KIF1C: variants seen among roughly 807,000 people sequenced by gnomAD.
KIF1C encodes the protein kinesin-like protein KIF1C.
Under a neutral mutation model 126.5 loss-of-function variants are expected in KIF1C, and 61 were observed. The observed-to-expected ratio is 0.48, with a 90% CI of 0.39 to 0.60. The LOEUF (loss-of-function observed/expected upper bound fraction) is 0.60, where lower values mean the gene tolerates loss of function less well. KIF1C is among the 20% of genes least tolerant of loss of function. The probability of loss-of-function intolerance (pLI) is 0.00; values close to 1 mark genes in which losing one functional copy is unlikely to be tolerated. For missense variants in KIF1C, 1,315 were observed against 1,489.2 expected, an observed-to-expected ratio of 0.88 and a Z score of 1.93; for synonymous variants, 640 against 580.6, an observed-to-expected ratio of 1.10 and a Z score of -1.47.
At chr17:5,010,897 G>A (rs1319778299) in intron 16 of KIF1C, among the ~76,000 whole-genome samples, 1 of 150,258 alleles carries the variant, frequency 6.7e-6, no homozygotes, top group Non-Finnish European at 1.5e-5. Flanking sequence ...TGCAAGCTCC[G>A]CCTCCCGGGT....
chr17:5,012,771 A>G (rs1974893521), intron 16 of KIF1C, among the ~76,000 whole-genome samples: 1 of 152,170 alleles, frequency 6.6e-6, no homozygotes, highest in Non-Finnish European at 1.5e-5. Flanking sequence ...GCGTGGCAGC[A>G]GTGGCATGAA....
Position 5,003,731 on chromosome 17 carries a change from G to C in KIF1C, c.798+42G>C, listed in dbSNP as rs751773527. On this transcript the variant is annotated intron_variant, in intron 9 of 22. Transcript: ENST00000320785. ...GGGTGGTTTGTTGTGGGGCAGTGTT[G>C]TGGGCTGTATGTGGAGGTCTCCAGT... 17 of 1,587,090 alleles carry C rather than the reference G, an allele frequency of 1.1e-5. No individual in the cohort carries two copies. The Middle Eastern group carries it at 8.3e-4, about 78-fold the overall frequency.
chr17:5,005,099 A>G, intron 13 of KIF1C, 99 bp downstream of exon 13: 2 of 1,433,428 alleles, frequency 1.4e-6, no homozygotes, highest in Admixed American at 1.9e-5. Flanking sequence ...GAGGGACCAC[A>G]CACTATGAAA....
chr17:5,006,896 T>C lies in KIF1C; in HGVS notation c.1166-19T>C, dbSNP rs542279177. On this transcript the variant is annotated intron_variant, in intron 13 of 22. Transcript: ENST00000320785. ...CTTCTTTCCTTAGCCTCATTCTTTT[T>C]CCTCTTTCTCCCTCCCAGGCCTGAA... 7 of 1,611,736 alleles carry C rather than the reference T, an allele frequency of 4.3e-6. No individual in the cohort carries two copies. The Admixed American group carries it at 1.0e-4, about 23-fold the overall frequency.
intron 16 of KIF1C, among the ~76,000 whole-genome samples, chr17:5,009,363 T>C (rs1264355027): frequency 6.6e-6 from 1 of 152,000 alleles, no homozygotes; most frequent in Non-Finnish European, 1.5e-5. Context: ...GTATTTTTAG[T>C]AGAGATGGGG....
intron 18 of KIF1C, among the ~76,000 whole-genome samples, chr17:5,015,141 C>T (rs1343277303): frequency 6.6e-6 from 1 of 152,156 alleles, no homozygotes; most frequent in Non-Finnish European, 1.5e-5. Context: ...GAAGATCCTG[C>T]CCTTCTTGAT....
At chr17:5,008,274 A>G (rs1273497525) in intron 16 of KIF1C, among the ~76,000 whole-genome samples, 2 of 152,228 alleles carry the variant, frequency 1.3e-5, no homozygotes, top group African/African-American at 4.8e-5. Context: ...ACCATCCGGC[A>G]TAGGGACTGA....
At chr17:5,001,116 C>T in intron 4 of KIF1C, 106 bp from the exon 5 acceptor site, 2 of 1,228,872 alleles carry the variant, frequency 1.6e-6, no homozygotes, top group Non-Finnish European at 2.4e-6. Context: ...GCACACAGGA[C>T]ATTTGGGGAA....
chr17:5,002,267 G>T (rs929802888), intron 6 of KIF1C, 143 bp downstream of exon 6: 2 of 969,840 alleles, frequency 2.1e-6, no homozygotes, highest in Admixed American at 3.8e-5. Flanking sequence ...CTTCAGCTTC[G>T]TATGTTCATC....
At chr17:5,008,829 C>T (rs904399055) in intron 16 of KIF1C, among the ~76,000 whole-genome samples, 8 of 152,278 alleles carry the variant, frequency 5.3e-5, no homozygotes, top group Middle Eastern at 6.8e-3. Flanking sequence ...GCTACGGATG[C>T]GCTCAGCATG....
At chr17:5,000,429 CA>C (rs1421174696) in intron 3 of KIF1C, 77 bp downstream of exon 3, 1 of 996,018 alleles carries the variant, frequency 1.0e-6, no homozygotes, top group East Asian at 2.6e-5. Flanking sequence ...CCCGCTGGGC[CA>C]AACTAAGAGG....
In KIF1C at chr17:5,020,930, C is replaced by A; in HGVS notation, c.2010+52C>A. 6.7e-7 allele frequency: 1 copy of A among 1,495,692 alleles called. No individual in the cohort carries two copies. 92.7% of individuals were successfully genotyped at this position (1,495,692 alleles called of 1,614,324 possible). ...GGCTGATGGGCAGATGAGCCGCAAG[C>A]CTGAGTCCGAGTGCAGTGCTCACCG... On this transcript the variant is annotated intron_variant, in intron 21 of 22. Coordinates refer to ENST00000320785, the MANE Select transcript of KIF1C (RefSeq NM_006612.6). The surrounding 1 kb of genome is among the most constrained non-coding windows in gnomAD (Gnocchi z 5.8).
In KIF1C at chr17:5,022,374, C is replaced by T. The variant is rs767797244; in HGVS notation, c.2293C>T (p.Arg765Cys). 6.5e-5 allele frequency: 103 copies of T among 1,581,916 alleles called. No homozygotes were observed. Among genetic ancestry groups the T allele is most frequent in the Non-Finnish European group, 7.7e-5 (89 of 1,163,114 alleles). The change falls in exon 22 of 23, where the codon CGC becomes TGC. Residue 765 changes from arginine to cysteine, a missense_variant. By Grantham distance (180) the Arg-to-Cys change is radical (BLOSUM62 -3). Coordinates refer to ENST00000320785, the MANE Select transcript of KIF1C (RefSeq NM_006612.6). The surrounding 1 kb of genome is among the most constrained non-coding windows in gnomAD (Gnocchi z 4.9). Reference sequence around the variant, plus strand: ...CTACGAGGTGGCCCTGGCTGACTTCCGCCACGGGCGGGCTGAGATTGAGGC... The same window carrying T: ...CTACGAGGTGGCCCTGGCTGACTTCTGCCACGGGCGGGCTGAGATTGAGGC... The part of the protein sequence containing the change: ...ICYEVALADF[R>C]HGRAEIEALA...
chr17:5,013,544 C>T, intron 16 of KIF1C, 109 bp from the exon 17 acceptor site: 2 of 749,792 alleles, frequency 2.7e-6, no homozygotes, highest in Admixed American at 4.4e-5. Flanking sequence ...TGAGGGGGCG[C>T]AGCTGGCAGT....
rs780174774 is a variant in KIF1C, at chr17:5,014,734, C to T, written c.1572-9C>T. 1.3e-5 allele frequency: 20 copies of T among 1,579,072 alleles called. No individual in the cohort carries two copies. The highest frequency in any genetic ancestry group is 1.6e-5 in the Non-Finnish European group (19 of 1,161,976). ...ACATGCTCACAAACGTTGGCCATTG[C>T]TTCCCCAGGGTCGGCCAAGTAGATA... On this transcript the variant is annotated splice_polypyrimidine_tract_variant and intron_variant, in intron 17 of 22. Transcript: ENST00000320785.
rs753643261 is a variant in KIF1C at position 5,000,756 on chromosome 17, C to T, written c.107-16C>T. ...TGACCTTGACTTTCCTTCCTTTACC[C>T]TCTCCTGCCCCTCAGCCATCATCAA... On this transcript the variant is annotated splice_polypyrimidine_tract_variant and intron_variant, in intron 3 of 22. Coordinates refer to ENST00000320785, the MANE Select transcript of KIF1C (RefSeq NM_006612.6). 12 of 1,613,240 alleles carry T rather than the reference C, an allele frequency of 7.4e-6. No individual in the cohort carries two copies. The highest frequency in any genetic ancestry group is 4.5e-5 in the East Asian group (2 of 44,894).
chr17:5,005,647 G>A (rs1485018364), intron 13 of KIF1C, among the ~76,000 whole-genome samples: 1 of 152,146 alleles, frequency 6.6e-6, no homozygotes, highest in African/African-American at 2.4e-5. Flanking sequence ...AAAGCAGTAA[G>A]GACTTTTTAT....
At chr17:5,010,722 A>T (rs1358303184) in intron 16 of KIF1C, among the ~76,000 whole-genome samples, 1 of 151,328 alleles carries the variant, frequency 6.6e-6, no homozygotes, top group Non-Finnish European at 1.5e-5. Context: ...ACTCCAGCCC[A>T]GGTGACAGAG....
rs150944204 is a variant in KIF1C, at chr17:5,002,824, G to A, written c.702G>A (p.Thr234=). The change falls in exon 8 of 23, where the codon ACG becomes ACA. Residue 234 remains threonine (T), a synonymous_variant. Transcript: ENST00000320785. ...VFTQRCHDQL[T]GLDSEKVSKI... is the part of the protein sequence containing the mutation. ...CACAGCGCTGCCATGACCAGCTCAC[G>A]GGGCTGGACTCGGAGAAGGTGGGAT... is the stretch of plus-strand genomic sequence containing the variant. The A allele has an allele frequency of 3.5e-5, 57 of 1,612,320 alleles. No individual in the cohort carries two copies. The African/African-American group carries it at 5.2e-4, about 15-fold the overall frequency.
Sources: allele counts gnomAD v4.1 joint callset (sites outside exome capture counted in the v4.1 genomes callset), GRCh38; gene constraint gnomAD v4.1.1; non-coding constraint Gnocchi (gnomAD v3.1); transcripts MANE v1.5; gene names NCBI Gene and HGNC (gene_info 2026-07-23, HGNC 2026-07-21).